Variants in CPA6 observed in about 807,000 individuals in gnomAD.
CPA6 encodes the protein carboxypeptidase B.
A neutral mutation model predicts 63.3 loss-of-function variants in CPA6; 58 were observed. That is an observed-to-expected ratio of 0.92 (90% CI 0.74 to 1.14). CPA6 has a LOEUF of 1.14. Among genes scored for constraint, CPA6 ranks in the 50% most tolerant of loss-of-function variants. CPA6 has a pLI of 0.00. For synonymous variants in CPA6, 185 were observed against 179.0 expected, an observed-to-expected ratio of 1.03 and a Z score of -0.27; for missense variants, 565 against 526.6, an observed-to-expected ratio of 1.07 and a Z score of -0.71.
chr8:67,495,954 T>C (rs1013408312), intron 6 of CPA6, among the ~76,000 whole-genome samples: 11 of 152,240 alleles, frequency 7.2e-5, no homozygotes, highest in African/African-American at 2.4e-4. Flanking sequence ...TTTACTCACA[T>C]AGACTGTACG....
chr8:67,509,650 CT>C, intron 4 of CPA6, 32 bp from the exon 5 acceptor site: 4 of 1,112,680 alleles, frequency 3.6e-6, no homozygotes, highest in Non-Finnish European at 5.3e-6. Flanking sequence ...CTATGTTAGA[CT>C]CTCTCAAAAT....
At chr8:67,496,535 A>G (rs1415865082) in intron 6 of CPA6, among the ~76,000 whole-genome samples, 8 of 137,540 alleles carry the variant, frequency 5.8e-5, no homozygotes, top group South Asian at 4.5e-4. Flanking sequence ...ATATATATAT[A>G]TATATATATA....
At chr8:67,624,294 T>G in intron 1 of CPA6, 43 bp from the exon 2 acceptor site, 1 of 1,086,710 alleles carries the variant, frequency 9.2e-7, no homozygotes, top group Non-Finnish European at 1.4e-6. Context: ...TTTTCGAAAA[T>G]AAAGATATTA....
At chr8:67,731,549 C>T (rs1301896156) in intron 1 of CPA6, among the ~76,000 whole-genome samples, 2 of 152,248 alleles carry the variant, frequency 1.3e-5, no homozygotes, top group Admixed American at 6.5e-5. Context: ...GAAAATGCCC[C>T]CATTCTGAGG....
At chr8:67,449,586 C>G (rs1485222057) in intron 8 of CPA6, among the ~76,000 whole-genome samples, 1 of 152,142 alleles carries the variant, frequency 6.6e-6, no homozygotes, top group Non-Finnish European at 1.5e-5. Context: ...TTGAGTCGTC[C>G]TATCCAAGGA....
At chr8:67,464,412 G>A (rs1481655075) in intron 8 of CPA6, among the ~76,000 whole-genome samples, 1 of 152,132 alleles carries the variant, frequency 6.6e-6, no homozygotes, top group Non-Finnish European at 1.5e-5. Flanking sequence ...ATAGATTCTA[G>A]ATATTAGACC....
intron 1 of CPA6, among the ~76,000 whole-genome samples, chr8:67,681,280 G>T (rs1816591879): frequency 1.4e-5 from 2 of 141,394 alleles, no homozygotes; most frequent in Admixed American, 1.4e-4. Context: ...CGCAATCTCG[G>T]CTCACTGCAA....
intron 8 of CPA6, among the ~76,000 whole-genome samples, chr8:67,474,496 C>A (rs112627023): frequency 0.019 from 2,847 of 151,720 alleles, 94 homozygotes; most frequent in African/African-American, 0.064. Context: ...TCTGGGATTA[C>A]AGACGTGAGC....
intron 1 of CPA6, chr8:67,735,675 G>GCC (rs1817797692): frequency 1.3e-5 from 1 of 74,562 alleles, no homozygotes; most frequent in Non-Finnish European, 3.4e-5. Context: ...ATTAGTGGCA[G>GCC]TCTTTTTTTT....
chr8:67,466,776 T>G lies in CPA6; in HGVS notation c.838+16992A>C, dbSNP rs192840208. Among the ~76,000 whole-genome samples, 83 of 152,292 alleles carry G rather than the reference T, an allele frequency of 5.5e-4. 1 individual carries two copies. The highest frequency in any genetic ancestry group is 3.4e-3 in the Middle Eastern group (1 of 294). On this transcript the variant is annotated intron_variant, in intron 8 of 10. Coordinates refer to ENST00000297770, the MANE Select transcript of CPA6 (RefSeq NM_020361.5). Reference sequence around the variant, plus strand: ...ATGTGACTGTGTGGTTGAGAAAACATTTGAAAGAAGGAAAAACAACACTAG... The same window carrying G: ...ATGTGACTGTGTGGTTGAGAAAACAGTTGAAAGAAGGAAAAACAACACTAG...
chr8:67,709,343 T>G (rs746910826), intron 1 of CPA6, among the ~76,000 whole-genome samples: 6 of 152,234 alleles, frequency 3.9e-5, no homozygotes, highest in Non-Finnish European at 7.3e-5. Flanking sequence ...ATTTCGTTCA[T>G]GCTCTAAAAC....
intron 2 of CPA6, among the ~76,000 whole-genome samples, chr8:67,551,512 A>T (rs946411089): frequency 1.3e-5 from 2 of 152,066 alleles, no homozygotes; most frequent in Non-Finnish European, 2.9e-5. Context: ...AGGCTCTTTT[A>T]TGGTTCTATA....
chr8:67,678,225 T>A (rs1816518793), intron 1 of CPA6, among the ~76,000 whole-genome samples: 1 of 142,954 alleles, frequency 7.0e-6, no homozygotes, highest in Non-Finnish European at 1.5e-5. Flanking sequence ...TAAAACTCTG[T>A]CTCACACACA....
At chr8:67,606,560 C>T (rs7818863) in intron 2 of CPA6, among the ~76,000 whole-genome samples, 85,569 of 151,896 alleles carry the variant, frequency 0.56, 26,606 homozygotes, top group African/African-American at 0.84. Flanking sequence ...TTTATGGTGC[C>T]CAGCAGAGAC....
At chr8:67,567,436 A>G (rs1274070082) in intron 2 of CPA6, among the ~76,000 whole-genome samples, 1 of 152,240 alleles carries the variant, frequency 6.6e-6, no homozygotes, top group African/African-American at 2.4e-5. Flanking sequence ...CAATGAATAA[A>G]CATAGGAGTT....
At chr8:67,696,796 A>G (rs1276614866) in intron 1 of CPA6, among the ~76,000 whole-genome samples, 1 of 152,194 alleles carries the variant, frequency 6.6e-6, no homozygotes, top group African/African-American at 2.4e-5. Context: ...GAAAAGGTAA[A>G]CCTGTTGTTA....
chr8:67,511,905 G>A (rs1812050490), intron 3 of CPA6, among the ~76,000 whole-genome samples: 1 of 152,200 alleles, frequency 6.6e-6, no homozygotes, highest in South Asian at 2.1e-4. Flanking sequence ...AATAGCTACT[G>A]CTGATTTGCA....
intron 8 of CPA6, among the ~76,000 whole-genome samples, chr8:67,461,112 G>A (rs1810792199): frequency 6.7e-6 from 1 of 148,520 alleles, no homozygotes. Context: ...CTCGCAGAGG[G>A]GGATTTGGCA....
intron 8 of CPA6, among the ~76,000 whole-genome samples, chr8:67,476,553 C>CTCT (rs1554666666): frequency 1.4e-5 from 2 of 142,018 alleles, no homozygotes; most frequent in African/African-American, 2.6e-5. Context: ...CTCTCTCTCT[C>CTCT]TTTTTTTTTT....
Sources: allele counts gnomAD v4.1 joint callset (sites outside exome capture counted in the v4.1 genomes callset), GRCh38; gene constraint gnomAD v4.1.1; transcripts MANE v1.5; gene names NCBI Gene and HGNC (gene_info 2026-07-23, HGNC 2026-07-21).